Variants in CBFA2T2 observed in about 807,000 individuals in gnomAD.
CBFA2T2 encodes protein CBFA2T2.
CBFA2T2 carries 11 observed loss-of-function variants against 62.2 expected under a neutral mutation model. The observed-to-expected ratio is 0.18, with a 90% CI of 0.11 to 0.29. CBFA2T2 has a LOEUF of 0.29. CBFA2T2 is among the 10% of genes least tolerant of loss of function. The pLI is 1.00. For synonymous variants in CBFA2T2, 295 were observed against 287.5 expected (o/e 1.03, Z -0.27); for missense variants, 592 against 774.1 (o/e 0.76, Z 2.79).
chr20:33,571,432 G>A (rs547469360), intron 1 of CBFA2T2, among the ~76,000 whole-genome samples: 1 of 152,242 alleles, frequency 6.6e-6, no homozygotes, highest in South Asian at 2.1e-4. Flanking sequence ...AAATTTTAAT[G>A]TGTACTTGAC....
chr20:33,613,054 CAG>C (rs2015584913), intron 3 of CBFA2T2, among the ~76,000 whole-genome samples: 1 of 152,212 alleles, frequency 6.6e-6, no homozygotes, highest in African/African-American at 2.4e-5. Flanking sequence ...GCCTAGGTGA[CAG>C]AGTGAGACCC....
At chr20:33,513,158 CAG>C (rs1365511742) in intron 1 of CBFA2T2, among the ~76,000 whole-genome samples, 1 of 152,104 alleles carries the variant, frequency 6.6e-6, no homozygotes, top group Non-Finnish European at 1.5e-5. Context: ...CAAAGTTTTC[CAG>C]AGTTGTTCTA....
chr20:33,501,613 C>CTA (rs2011281046), intron 1 of CBFA2T2, among the ~76,000 whole-genome samples: 1 of 120,108 alleles, frequency 8.3e-6, no homozygotes, highest in African/African-American at 3.1e-5. Flanking sequence ...GTAGTTGAAA[C>CTA]TATATTCTTA....
intron 1 of CBFA2T2, among the ~76,000 whole-genome samples, chr20:33,572,670 A>G (rs1371614575): frequency 1.3e-5 from 2 of 152,208 alleles, no homozygotes; most frequent in African/African-American, 2.4e-5. Flanking sequence ...AAAATGGCCG[A>G]TGTAGATATA....
chr20:33,574,235 TAC>T, intron 1 of CBFA2T2: 1 of 1,613,542 alleles, frequency 6.2e-7, no homozygotes, highest in South Asian at 1.1e-5. Context: ...TTGAAAGAAA[TAC>T]AGGTCCTGGC....
At chr20:33,608,095 A>G (rs1388816686) in intron 2 of CBFA2T2, among the ~76,000 whole-genome samples, 3 of 152,242 alleles carry the variant, frequency 2.0e-5, no homozygotes, top group Non-Finnish European at 4.4e-5. Flanking sequence ...CTAATGCTGA[A>G]TTTCCACGTG....
rs529293818 is a variant in CBFA2T2, at chr20:33,589,806, A to G, written c.35-17150A>G. Among the ~76,000 whole-genome samples, 15 of 152,370 alleles carry G rather than the reference A, an allele frequency of 9.8e-5. No homozygotes were observed. In the East Asian group the frequency reaches 2.7e-3, roughly 27 times the overall value. ...AATGTAAGCAACAAATAGAGGCCAC[A>G]TATGTAATTTTAAATATTCTTGTAA... On this transcript the variant is annotated intron_variant, in intron 1 of 10. Coordinates refer to ENST00000342704, the MANE Select transcript of CBFA2T2 (RefSeq NM_001032999.3).
intron 1 of CBFA2T2, among the ~76,000 whole-genome samples, chr20:33,536,765 C>A (rs1382171949): frequency 6.8e-6 from 1 of 147,716 alleles, no homozygotes; most frequent in Non-Finnish European, 1.5e-5. Flanking sequence ...ACATCTCAGG[C>A]GATGGGCGGC....
At chr20:33,578,723 A>C (rs1022428624) in intron 1 of CBFA2T2, among the ~76,000 whole-genome samples, 1 of 152,132 alleles carries the variant, frequency 6.6e-6, no homozygotes. Context: ...CATAAGGCCC[A>C]CTCTGGCACC....
chr20:33,575,313 GT>G (rs1310427848), intron 1 of CBFA2T2, among the ~76,000 whole-genome samples: 1 of 152,158 alleles, frequency 6.6e-6, no homozygotes, highest in Non-Finnish European at 1.5e-5. Flanking sequence ...TTACCCTGCT[GT>G]TTAAAATTAG....
intron 1 of CBFA2T2, among the ~76,000 whole-genome samples, chr20:33,504,371 A>G (rs961212656): frequency 1.5e-5 from 2 of 136,128 alleles, no homozygotes; most frequent in African/African-American, 5.4e-5. Context: ...TAGGCATGGG[A>G]TTGCTGGGTT....
At chr20:33,597,567 T>A (rs961905729) in intron 1 of CBFA2T2, among the ~76,000 whole-genome samples, 2 of 152,176 alleles carry the variant, frequency 1.3e-5, no homozygotes, top group Non-Finnish European at 2.9e-5. Context: ...AGGAGGGCAA[T>A]CCCTGTTGTT....
chr20:33,528,470 G>T (rs190871460), intron 1 of CBFA2T2, among the ~76,000 whole-genome samples: 1 of 152,264 alleles, frequency 6.6e-6, no homozygotes, highest in East Asian at 1.9e-4. Context: ...CTTTTCACTG[G>T]CTTGATTGTT....
chr20:33,629,984 G>T, intron 8 of CBFA2T2, 70 bp downstream of exon 8: 1 of 1,367,738 alleles, frequency 7.3e-7, no homozygotes, highest in East Asian at 2.4e-5. Flanking sequence ...TGTCACAGAA[G>T]GCGTTTTCTA....
At chr20:33,599,679 C>G (rs1030871655) in intron 1 of CBFA2T2, among the ~76,000 whole-genome samples, 2 of 151,892 alleles carry the variant, frequency 1.3e-5, no homozygotes, top group African/African-American at 4.8e-5. Flanking sequence ...ACCTCCACCT[C>G]CCAGGTTCAA....
intron 1 of CBFA2T2, among the ~76,000 whole-genome samples, chr20:33,577,859 T>C (rs1262144273): frequency 6.6e-6 from 1 of 152,190 alleles, no homozygotes. Flanking sequence ...TAAGAAAATA[T>C]TTTAGCACCA....
chr20:33,617,873 C>T (rs188463139), intron 3 of CBFA2T2, among the ~76,000 whole-genome samples: 1 of 152,016 alleles, frequency 6.6e-6, no homozygotes, highest in African/African-American at 2.4e-5. Context: ...TAATGTTTAC[C>T]GAATAATAAA....
chr20:33,618,700 G>A (rs1271519659), intron 3 of CBFA2T2, among the ~76,000 whole-genome samples: 1 of 152,102 alleles, frequency 6.6e-6, no homozygotes, highest in East Asian at 1.9e-4. Flanking sequence ...TATGCCAGGA[G>A]GTAGGGGGCA....
intron 1 of CBFA2T2, among the ~76,000 whole-genome samples, chr20:33,520,904 G>A (rs928320489): frequency 4.0e-5 from 6 of 149,808 alleles, no homozygotes; most frequent in East Asian, 1.9e-4. Context: ...TTTTACACAC[G>A]CACGCGCACA....
Sources: gnomAD v4.1 joint callset for allele counts (sites outside exome capture counted in the v4.1 genomes callset) on GRCh38, gnomAD v4.1.1 for gene constraint, MANE v1.5 for transcripts, NCBI Gene and HGNC (gene_info 2026-07-23, HGNC 2026-07-21) for gene names.